UGT1A3: variants seen among roughly 807,000 people sequenced by gnomAD.
UGT1A3 encodes the protein UDP glucuronosyltransferase family 1 member A3.
Under a neutral mutation model 41.0 loss-of-function variants are expected in UGT1A3, and 31 were observed. The observed-to-expected ratio is 0.76, with a 90% confidence interval of 0.57 to 1.02. The LOEUF is 1.02. Ranked by LOEUF, UGT1A3 falls within the 50% of genes least tolerant of loss-of-function variation. The pLI, the probability that UGT1A3 is intolerant of heterozygous loss-of-function variation, is 0.00. For synonymous variants in UGT1A3, 262 were observed against 257.6 expected (o/e 1.02, Z -0.17); for missense variants, 737 against 671.0 (o/e 1.10, Z -1.09).
chr2:233,761,212 G>A (rs1200424446), intron 1 of UGT1A3: 5 of 1,613,556 alleles, frequency 3.1e-6, no homozygotes, highest in Non-Finnish European at 2.5e-6. Flanking sequence ...ACTTTGGATC[G>A]ATTAACTAGC....
At position 233,769,564 on chromosome 2, in the gene UGT1A3, A is replaced by G; in HGVS notation, c.1307+1125A>G. 2 of 1,612,876 alleles carry G rather than the reference A, an allele frequency of 1.2e-6. No homozygotes were observed. Among genetic ancestry groups the G allele is most frequent in the Non-Finnish European group, 1.7e-6 (2 of 1,179,838 alleles). Reference sequence around the variant, plus strand: ...AGCAGTCAGGAAGACAGATGTGAAGAGCTGGAGCATGTTCAGATGAGAGGA... The same window carrying G: ...AGCAGTCAGGAAGACAGATGTGAAGGGCTGGAGCATGTTCAGATGAGAGGA... On this transcript the variant is annotated intron_variant, in intron 4 of 4. Transcript: ENST00000482026. The surrounding 1 kb of genome is among the most constrained non-coding windows in gnomAD (Gnocchi z 4.4).
chr2:233,756,447 C>T (rs1249165740), intron 1 of UGT1A3: 1 of 151,922 alleles, frequency 6.6e-6, no homozygotes, highest in Non-Finnish European at 1.5e-5. Context: ...TTGTTCCCCC[C>T]AAATATTTTC....
rs1700546112 is a variant in UGT1A3 at position 233,772,763 on chromosome 2, C to T, written c.*204C>T. ...TAAAGATATTTGAATATGTATCGTGCCCCCTCTGGTGTCTTTGATCAGGAT... is the reference window on the plus strand; with the variant it reads ...TAAAGATATTTGAATATGTATCGTGTCCCCTCTGGTGTCTTTGATCAGGAT... On this transcript the variant is annotated 3_prime_UTR_variant, in exon 5 of 5. Transcript: ENST00000482026. 1 of 1,384,392 alleles carries T rather than the reference C, an allele frequency of 7.2e-7. No individual in the cohort carries two copies. Among genetic ancestry groups the T allele is most frequent in the South Asian group, 1.5e-5 (1 of 65,502 alleles). The allele number at this position is 1,384,392 out of a possible 1,614,324, so 85.8% of individuals were successfully genotyped here. A position where few individuals can be genotyped will look rare whatever the true frequency, so the allele number is the denominator to read the frequency against.
chr2:233,765,939 C>T (rs570894932), intron 1 of UGT1A3, among the ~76,000 whole-genome samples: 8 of 152,214 alleles, frequency 5.3e-5, no homozygotes, highest in African/African-American at 1.7e-4. Flanking sequence ...GGTTGTGGGG[C>T]TCTGACCTCA....
chr2:233,737,087 A>G (rs955839676), intron 1 of UGT1A3, among the ~76,000 whole-genome samples: 1 of 152,174 alleles, frequency 6.6e-6, no homozygotes, highest in Non-Finnish European at 1.5e-5. Context: ...TCAGACAGGG[A>G]TGTTTAAGTC....
Position 233,729,112 on chromosome 2 carries a change from G to A in UGT1A3, c.-15G>A, listed in dbSNP as rs557523932. On this transcript the variant is annotated 5_prime_UTR_variant, in exon 1 of 5. The change creates a new upstream start codon in the 5' untranslated region. Transcript: ENST00000482026. ...GCGTGGGGTGGACAGTCAGCTGTCCGTGTCTTCTGCTGAGATGGCCACAGG... is the reference window on the plus strand; with the variant it reads ...GCGTGGGGTGGACAGTCAGCTGTCCATGTCTTCTGCTGAGATGGCCACAGG... The A allele has an allele frequency of 2.5e-6, 4 of 1,612,930 alleles. No homozygotes were observed. Among genetic ancestry groups the A allele is most frequent in the East Asian group, 2.2e-5 (1 of 44,882 alleles).
intron 1 of UGT1A3, among the ~76,000 whole-genome samples, chr2:233,745,444 A>G (rs1693107566): frequency 6.6e-6 from 1 of 151,758 alleles, no homozygotes; most frequent in Non-Finnish European, 1.5e-5. Flanking sequence ...ATACACTAGT[A>G]AAGGTCACTC....
In UGT1A3 at chr2:233,733,060, C is replaced by G. The variant is rs187398935; in HGVS notation, c.867+3067C>G. Among the ~76,000 whole-genome samples the G allele has an allele frequency of 7.2e-5, 11 of 152,200 alleles. No individual in the cohort carries two copies. The East Asian group carries it at 2.1e-3, about 29-fold the overall frequency. ...AAGTTGGATTCCTAGGTATTTTATT[C>G]TCTTTGTAGCAATTGTGAATGGGAG... is the stretch of plus-strand genomic sequence containing the variant. On this transcript the variant is annotated intron_variant, in intron 1 of 4. Transcript: ENST00000482026.
In UGT1A3 at chr2:233,760,405, T is replaced by C. The variant is rs1183811071; in HGVS notation, c.868-6629T>C. On this transcript the variant is annotated intron_variant, in intron 1 of 4. Transcript: ENST00000482026. Reference sequence around the variant, plus strand: ...GTTGATCCCAGTGGATGGCAGCCACTGGCTGAGCATGCTTGGGGCCATCCA... The same window carrying C: ...GTTGATCCCAGTGGATGGCAGCCACCGGCTGAGCATGCTTGGGGCCATCCA... 1.5e-5 allele frequency: 24 copies of C among 1,614,126 alleles called. No homozygotes were observed. Among genetic ancestry groups the C allele is most frequent in the Non-Finnish European group, 1.9e-5 (22 of 1,180,052 alleles).
chr2:233,748,071 C>G (rs1693854159), intron 1 of UGT1A3: 1 of 1,613,254 alleles, frequency 6.2e-7, no homozygotes, highest in Non-Finnish European at 8.5e-7. Flanking sequence ...CAGGAAGCCA[C>G]TATCTCAGGT....
intron 1 of UGT1A3, among the ~76,000 whole-genome samples, chr2:233,731,443 A>T (rs1454416898): frequency 6.6e-6 from 1 of 151,114 alleles, no homozygotes; most frequent in Non-Finnish European, 1.5e-5. Context: ...CCAGTCCCCC[A>T]CCCCACAACA....
chr2:233,757,353 G>C (rs373045458), intron 1 of UGT1A3, among the ~76,000 whole-genome samples: 1 of 151,254 alleles, frequency 6.6e-6, no homozygotes, highest in African/African-American at 2.4e-5. Flanking sequence ...GGGTCTGAGA[G>C]ACAGTGGTAG....
At chr2:233,731,367 T>C (rs1429864647) in intron 1 of UGT1A3, among the ~76,000 whole-genome samples, 3 of 152,084 alleles carry the variant, frequency 2.0e-5, no homozygotes, top group East Asian at 1.9e-4. Flanking sequence ...ACATGTGCCA[T>C]GTTGGTTTCC....
rs1699582839 is a variant in UGT1A3, at chr2:233,768,178, C to CA, written c.1088-41dup. On this transcript the variant is annotated intron_variant, in intron 3 of 4. Transcript: ENST00000482026. ...CCTAGATGTGTCCAGCTGTGAAACTCAGAGATGTAACTGCTGACATCCTCC... is the reference window on the plus strand; with the variant it reads ...CCTAGATGTGTCCAGCTGTGAAACTCAAGAGATGTAACTGCTGACATCCTCC... 5.6e-6 allele frequency: 9 copies of CA among 1,613,764 alleles called. No individual in the cohort carries two copies. In the Admixed American group the frequency reaches 8.3e-5, roughly 15 times the overall value.
intron 1 of UGT1A3, among the ~76,000 whole-genome samples, chr2:233,764,749 G>A (rs2126012049): frequency 6.6e-6 from 1 of 152,298 alleles, no homozygotes; most frequent in East Asian, 1.9e-4. Flanking sequence ...GAGATGTGGT[G>A]CAGACCCTAG....
rs377618743 is a variant in UGT1A3, at chr2:233,743,739, T to A, written c.867+13746T>A. 1.2e-4 allele frequency: 170 copies of A among 1,367,366 alleles called. 1 individual carries two copies. Among genetic ancestry groups the A allele is most frequent in the South Asian group, 2.3e-4 (20 of 88,056 alleles). 84.7% of individuals were successfully genotyped at this position (1,367,366 alleles called of 1,614,324 possible). ...TAGCGGTCATAGATATCGCGTTTCT[T>A]GGCGTCCGACAACACCTCGTAGGCC... On this transcript the variant is annotated intron_variant, in intron 1 of 4. Transcript: ENST00000482026.
Position 233,772,460 on chromosome 2 carries a change from A to C in UGT1A3, c.1506A>C (p.Thr502=), listed in dbSNP as rs1435465707. Residue 502 remains threonine (T), a synonymous_variant, in exon 5 of 5, where the codon ACA becomes ACC. Transcript: ENST00000482026. The part of the protein sequence containing the change: ...VIGFLLAVVL[T]VAFITFKCCA... Reference sequence around the variant, plus strand: ...GTTTCCTCTTGGCCGTCGTGCTGACAGTGGCCTTCATCACCTTTAAATGTT... The same window carrying C: ...GTTTCCTCTTGGCCGTCGTGCTGACCGTGGCCTTCATCACCTTTAAATGTT... 6.2e-7 allele frequency: 1 copy of C among 1,614,184 alleles called. No individual in the cohort carries two copies. Among genetic ancestry groups the C allele is most frequent in the Non-Finnish European group, 8.5e-7 (1 of 1,180,034 alleles).
intron 1 of UGT1A3, among the ~76,000 whole-genome samples, chr2:233,744,613 C>G (rs1692866168): frequency 6.6e-6 from 1 of 151,808 alleles, no homozygotes; most frequent in South Asian, 2.1e-4. Context: ...GTACTTGGCT[C>G]TATAGAGAGG....
chr2:233,760,934 C>A (rs907848517), intron 1 of UGT1A3: 10 of 1,614,178 alleles, frequency 6.2e-6, no homozygotes, highest in Non-Finnish European at 8.5e-6. Flanking sequence ...ATGCTCATTG[C>A]CTTTTCACAG....
Sources: allele counts gnomAD v4.1 joint callset (sites outside exome capture counted in the v4.1 genomes callset), GRCh38; gene constraint gnomAD v4.1.1; non-coding constraint Gnocchi (gnomAD v3.1); transcripts MANE v1.5; gene names NCBI Gene and HGNC (gene_info 2026-07-23, HGNC 2026-07-21).